PLCB1: variants seen among roughly 807,000 people sequenced by gnomAD.
PLCB1 encodes the protein phospholipase C beta 1, also known as 1-phosphatidylinositol 4,5-bisphosphate phosphodiesterase beta-1.
Under a neutral mutation model 161.8 loss-of-function variants are expected in PLCB1, and 46 were observed. That is an observed-to-expected ratio of 0.28 (90% CI 0.22 to 0.36). PLCB1 has a LOEUF of 0.36. PLCB1 is among the 10% of genes least tolerant of loss of function. The pLI, the probability that PLCB1 is intolerant of heterozygous loss-of-function variation, is 1.00. For synonymous variants in PLCB1, 517 were observed against 503.7 expected (o/e 1.03, Z -0.35); for missense variants, 1,016 against 1,472.5 (o/e 0.69, Z 5.07).
At chr20:8,880,755 AT>A (rs1023749131) in intron 31 of PLCB1, 24 of 144,832 alleles carry the variant, frequency 1.7e-4, no homozygotes, top group African/African-American at 6.9e-4. Flanking sequence ...TCACCTATCA[AT>A]ATTTCTCAAC....
intron 2 of PLCB1, among the ~76,000 whole-genome samples, chr20:8,185,078 G>T (rs2051889005): frequency 6.6e-6 from 1 of 151,968 alleles, no homozygotes; most frequent in Admixed American, 6.6e-5. Flanking sequence ...TGCTGAGAAT[G>T]ATGGTTCCCA....
rs375297116 is a variant in PLCB1, at chr20:8,541,242, G to C, written c.247-87052G>C. On this transcript the variant is annotated intron_variant, in intron 3 of 31. Transcript: ENST00000338037. ...ACATATAGTAGCTTTGTAACTGCTG[G>C]TGTGCCACTAATGCTCTCCAAATAT... Among the ~76,000 whole-genome samples, 14 of 152,260 alleles carry C rather than the reference G, an allele frequency of 9.2e-5. No homozygotes were observed. In the South Asian group the frequency reaches 2.9e-3, roughly 32 times the overall value.
At chr20:8,325,543 G>A (rs998759745) in intron 2 of PLCB1, among the ~76,000 whole-genome samples, 1 of 152,152 alleles carries the variant, frequency 6.6e-6, no homozygotes, top group African/African-American at 2.4e-5. Context: ...TACTTACTAT[G>A]TTCCAGGTAC....
At chr20:8,753,374 A>G (rs181578660) in intron 23 of PLCB1, among the ~76,000 whole-genome samples, 38 of 152,260 alleles carry the variant, frequency 2.5e-4, no homozygotes, top group Non-Finnish European at 3.8e-4. Context: ...CCTTGGTGCC[A>G]GAAAGGCTGG....
At chr20:8,825,538 G>C (rs1371559328) in intron 31 of PLCB1, among the ~76,000 whole-genome samples, 1 of 152,198 alleles carries the variant, frequency 6.6e-6, no homozygotes, top group African/African-American at 2.4e-5. Context: ...GAACTGAAGA[G>C]TCATGGTAGA....
In PLCB1 at chr20:8,720,860, A is replaced by T. The variant is rs572206257; in HGVS notation, c.1514-1494A>T. On this transcript the variant is annotated intron_variant, in intron 14 of 31. Coordinates refer to ENST00000338037, the MANE Select transcript of PLCB1 (RefSeq NM_015192.4). ...TCCCCTCTCTGATTTTTTTTTTTTA[A>T]AAAAAAAAGGTAATAAGAACTTGGG... is the stretch of plus-strand genomic sequence containing the variant. Among the ~76,000 whole-genome samples, 153 of 141,634 alleles carry T rather than the reference A, an allele frequency of 1.1e-3. 1 individual carries two copies. The highest frequency in any genetic ancestry group is 2.8e-3 in the African/African-American group (97 of 34,312). The allele number at this position is 141,634 out of a possible 152,430, so 92.9% of individuals were successfully genotyped here.
At chr20:8,797,723 T>C (rs1184692275) in intron 31 of PLCB1, among the ~76,000 whole-genome samples, 1 of 152,214 alleles carries the variant, frequency 6.6e-6, no homozygotes, top group Non-Finnish European at 1.5e-5. Context: ...AAGCCTCAGC[T>C]CTTGACTGTA....
At chr20:8,750,916 GT>G (rs770954355) in intron 23 of PLCB1, 1 of 937,790 alleles carries the variant, frequency 1.1e-6, no homozygotes, top group East Asian at 5.2e-5. Context: ...CTGTCATAAG[GT>G]AAAAAGAACT....
At chr20:8,314,657 A>G (rs1031016384) in intron 2 of PLCB1, among the ~76,000 whole-genome samples, 47 of 152,244 alleles carry the variant, frequency 3.1e-4, no homozygotes, top group Admixed American at 3.1e-3. Flanking sequence ...CTTGGCCCAT[A>G]GTAAGCACTG....
intron 2 of PLCB1, among the ~76,000 whole-genome samples, chr20:8,212,111 T>G (rs1163770589): frequency 6.6e-6 from 1 of 152,176 alleles, no homozygotes; most frequent in Non-Finnish European, 1.5e-5. Flanking sequence ...TATTTATATT[T>G]GTATATTTGT....
chr20:8,602,328 A>C (rs1987614141), intron 3 of PLCB1, among the ~76,000 whole-genome samples: 1 of 152,212 alleles, frequency 6.6e-6, no homozygotes, highest in Non-Finnish European at 1.5e-5. Flanking sequence ...ACAAAATGGT[A>C]TTTAAAGAGG....
intron 31 of PLCB1, among the ~76,000 whole-genome samples, chr20:8,813,440 G>C (rs1459972998): frequency 1.3e-5 from 2 of 152,056 alleles, no homozygotes; most frequent in Non-Finnish European, 2.9e-5. Context: ...ACTGAGACCA[G>C]CTCTAAAGTA....
intron 31 of PLCB1, among the ~76,000 whole-genome samples, chr20:8,816,447 A>G (rs1044073950): frequency 8.5e-5 from 13 of 152,216 alleles, no homozygotes; most frequent in African/African-American, 2.7e-4. Flanking sequence ...TCTACAGAAA[A>G]TGAAAGTTTG....
intron 1 of PLCB1, among the ~76,000 whole-genome samples, chr20:8,138,678 A>G (rs2051372279): frequency 6.6e-6 from 1 of 152,204 alleles, no homozygotes; most frequent in Non-Finnish European, 1.5e-5. Flanking sequence ...GGTCATTTAC[A>G]TATATGACCA....
chr20:8,585,838 C>G (rs1400997404), intron 3 of PLCB1, among the ~76,000 whole-genome samples: 1 of 152,212 alleles, frequency 6.6e-6, no homozygotes, highest in Non-Finnish European at 1.5e-5. Context: ...TCCATGAAAT[C>G]TTTTCACCTC....
intron 3 of PLCB1, among the ~76,000 whole-genome samples, chr20:8,397,289 A>G (rs1378686639): frequency 6.6e-6 from 1 of 152,118 alleles, no homozygotes; most frequent in Non-Finnish European, 1.5e-5. Flanking sequence ...CACTAAGAAT[A>G]TATACTCCAA....
At chr20:8,621,741 G>A (rs16994987) in intron 3 of PLCB1, among the ~76,000 whole-genome samples, 5,262 of 152,192 alleles carry the variant, frequency 0.035, 306 homozygotes, top group African/African-American at 0.12. Context: ...TTTGTAACAC[G>A]GTGTGATATG....
chr20:8,796,976 G>T (rs1229550941), intron 31 of PLCB1, among the ~76,000 whole-genome samples: 1 of 152,122 alleles, frequency 6.6e-6, no homozygotes, highest in African/African-American at 2.4e-5. Context: ...GTCTACTGGT[G>T]GGAAACTCTT....
chr20:8,815,761 T>A (rs1985057765), intron 31 of PLCB1, among the ~76,000 whole-genome samples: 3 of 152,234 alleles, frequency 2.0e-5, no homozygotes, highest in Non-Finnish European at 4.4e-5. Flanking sequence ...AATTATCTGC[T>A]GATCATAAAA....
Sources: gnomAD v4.1 joint callset for allele counts (sites outside exome capture counted in the v4.1 genomes callset) on GRCh38, gnomAD v4.1.1 for gene constraint, MANE v1.5 for transcripts, NCBI Gene and HGNC (gene_info 2026-07-23, HGNC 2026-07-21) for gene names.